Variants in IL16 observed in about 807,000 individuals in gnomAD.
IL16 encodes interleukin 16.
Under a neutral mutation model 110.1 loss-of-function variants are expected in IL16, and 67 were observed. That is an observed-to-expected ratio of 0.61 (90% confidence interval 0.50 to 0.75). IL16 has a LOEUF of 0.75. IL16 is among the 30% of genes least tolerant of loss of function. The pLI is 0.00. For synonymous variants in IL16, 689 were observed against 662.9 expected (o/e 1.04, Z -0.61); for missense variants, 1,545 against 1,655.0 (o/e 0.93, Z 1.15).
intron 4 of IL16, among the ~76,000 whole-genome samples, chr15:81,267,154 G>T (rs1288592785): frequency 4.6e-5 from 7 of 152,184 alleles, no homozygotes; most frequent in Non-Finnish European, 1.5e-5. Flanking sequence ...GGGGGAAGCT[G>T]CTTCCTGTCT....
chr15:81,307,716 A>T (rs1012483596), intron 18 of IL16, among the ~76,000 whole-genome samples: 4 of 152,204 alleles, frequency 2.6e-5, no homozygotes, highest in Non-Finnish European at 5.9e-5. Context: ...TGCCAGCTGC[A>T]GGGTGATGTT....
chr15:81,217,486 C>A (rs1215294127), intron 1 of IL16, among the ~76,000 whole-genome samples: 1 of 152,142 alleles, frequency 6.6e-6, no homozygotes, highest in Non-Finnish European at 1.5e-5. Context: ...GCTTTTAGGA[C>A]TAGGTGTACT....
chr15:81,276,988 T>C (rs1898939243), intron 6 of IL16, among the ~76,000 whole-genome samples: 1 of 138,358 alleles, frequency 7.2e-6, no homozygotes, highest in Admixed American at 7.0e-5. Context: ...TTTAAAAAGA[T>C]AAAAAAAGGA....
chr15:81,191,032 A>G (rs1895490426), intron 1 of IL16, among the ~76,000 whole-genome samples: 3 of 152,222 alleles, frequency 2.0e-5, no homozygotes, highest in Admixed American at 6.5e-5. Flanking sequence ...AGAATCCAAC[A>G]TGGGGGATTA....
upstream of IL16, among the ~76,000 whole-genome samples, chr15:81,196,576 C>T (rs1489513090): frequency 6.6e-6 from 1 of 152,190 alleles, no homozygotes; most frequent in Non-Finnish European, 1.5e-5. Context: ...CTCCTAGCAG[C>T]GTGCCAGGCA....
chr15:81,239,552 C>T (rs1323947964), intron 2 of IL16, among the ~76,000 whole-genome samples: 2 of 152,336 alleles, frequency 1.3e-5, no homozygotes, highest in African/African-American at 4.8e-5. Context: ...ATGAAGCACT[C>T]AGCTGATGCT....
chr15:81,223,066 G>A lies in IL16; in HGVS notation c.-101-2233G>A, dbSNP rs117980223. Among the ~76,000 whole-genome samples, 24 of 152,240 alleles carry A rather than the reference G, an allele frequency of 1.6e-4. No homozygotes were observed. In the East Asian group the frequency reaches 4.6e-3, roughly 29 times the overall value. On this transcript the variant is annotated intron_variant, in intron 1 of 18. Transcript: ENST00000683961. ...AAAACGTATGTATTCTTCTGCCAAT[G>A]GATCTGAGCATTGATATACTGGTTA...
At chr15:81,298,758 C>A (rs1352850150) in intron 13 of IL16, among the ~76,000 whole-genome samples, 1 of 152,210 alleles carries the variant, frequency 6.6e-6, no homozygotes, top group Non-Finnish European at 1.5e-5. Context: ...GGCAGAGCAG[C>A]AAACACACGG....
chr15:81,290,510 G>C lies in IL16; in HGVS notation c.1390G>C (p.Gly464Arg), dbSNP rs1183866005. ...VAQAVENTKFGKERHQWSLEG... is the reference protein window; with the variant it reads ...VAQAVENTKFRKERHQWSLEG... ...CCAGGCTGTGGAAAACACCAAGTTT[G>C]GAAAGGAGAGGCATCAGTGGAGTCT... The change falls in exon 11 of 19, where the codon GGA becomes CGA. Residue 464 changes from glycine (G) to arginine (R), a missense_variant. Gly to Arg is a moderately radical substitution (Grantham distance 125, BLOSUM62 -2). Around this residue, in one of 3 missense-constraint regions of IL16, gnomAD observed 1,185 missense variants for 1,238.8 expected, o/e 0.96. Transcript: ENST00000683961. The C allele has an allele frequency of 5.0e-6, 8 of 1,613,384 alleles. No individual in the cohort carries two copies. The highest frequency in any genetic ancestry group is 1.7e-6 in the Non-Finnish European group (2 of 1,179,556).
At position 81,300,100 on chromosome 15, in the gene IL16, C is replaced by A. The variant is rs566966530; in HGVS notation, c.2774C>A (p.Pro925Gln). The change falls in exon 14 of 19, where the codon CCA becomes CAA. Residue 925 changes from proline (P) to glutamine (Q), a missense_variant. Pro to Gln is a moderately conservative substitution (Grantham distance 76, BLOSUM62 -1). Around this residue, in one of 3 missense-constraint regions of IL16, gnomAD observed 1,185 missense variants for 1,238.8 expected, o/e 0.96. Coordinates refer to ENST00000683961, the MANE Select transcript of IL16 (RefSeq NM_172217.5). ...CCAGGTGTGTCTGAGTCCCCTCCCC[C>A]AGGGCGGCAGCCCAATCAGAAAACT... ...RDPGVSESPP[P>Q]GRQPNQKTLP... is the part of the protein sequence containing the mutation. 8.8e-6 allele frequency: 14 copies of A among 1,584,060 alleles called. No individual in the cohort carries two copies. The highest frequency in any genetic ancestry group is 1.4e-5 in the African/African-American group (1 of 73,982).
In IL16 at chr15:81,312,315, G is replaced by C. The variant is rs1199965611; in HGVS notation, c.*3517G>C. The stretch of plus-strand genomic sequence containing the variant: ...ACAGTCTTGCAGCAGGATCTAGAGG[G>C]GGGATTTCCAGCCAGGGCTGCTAGA... On this transcript the variant is annotated 3_prime_UTR_variant, in exon 19 of 19. Transcript: ENST00000683961. 1 of 152,290 alleles carries C rather than the reference G, an allele frequency of 6.6e-6. No individual in the cohort carries two copies. The highest frequency in any genetic ancestry group is 2.1e-4 in the South Asian group (1 of 4,830). The allele number at this position is 152,290 out of a possible 1,614,324, so 9.4% of individuals were successfully genotyped here.
At chr15:81,207,070 A>G (rs1172988193) in intron 1 of IL16, among the ~76,000 whole-genome samples, 1 of 111,314 alleles carries the variant, frequency 9.0e-6, no homozygotes, top group Admixed American at 7.7e-5. Context: ...CGTCTCTACT[A>G]AAAAAACCAC....
chr15:81,197,052 G>A lies in IL16; in HGVS notation c.-202G>A, dbSNP rs965821440. 7 of 1,288,726 alleles carry A rather than the reference G, an allele frequency of 5.4e-6. No individual in the cohort carries two copies. Among genetic ancestry groups the A allele is most frequent in the Middle Eastern group, 2.1e-4 (1 of 4,658 alleles). 79.8% of individuals were successfully genotyped at this position (1,288,726 alleles called of 1,614,324 possible). A position where few individuals can be genotyped will look rare whatever the true frequency, so the allele number is the denominator to read the frequency against. ...CCCAGGCCTGGGCCACAGGCTGTCC[G>A]GGAATAAGTGGTGCTGCAATCCCTG... On this transcript the variant is annotated 5_prime_UTR_variant, in exon 1 of 19. Coordinates refer to ENST00000683961, the MANE Select transcript of IL16 (RefSeq NM_172217.5).
At chr15:81,260,075 A>G (rs767387501) in intron 3 of IL16, among the ~76,000 whole-genome samples, 195 bp downstream of exon 3, 26 of 152,164 alleles carry the variant, frequency 1.7e-4, no homozygotes, top group Non-Finnish European at 3.1e-4. Context: ...CATGGCTCCA[A>G]GTGCCATGCT....
chr15:81,284,004 G>GAA (rs565288106), intron 9 of IL16, among the ~76,000 whole-genome samples: 1,648 of 82,096 alleles, frequency 0.02, 40 homozygotes, highest in African/African-American at 0.063. Context: ...CCCTGTCTCA[G>GAA]AAAAAAAAAA....
chr15:81,267,925 T>C (rs1340661912), intron 4 of IL16, among the ~76,000 whole-genome samples: 1 of 152,152 alleles, frequency 6.6e-6, no homozygotes, highest in Non-Finnish European at 1.5e-5. Flanking sequence ...AGCACCCTCA[T>C]AGACACACAC....
intron 1 of IL16, among the ~76,000 whole-genome samples, chr15:81,200,427 C>T (rs1895766621): frequency 6.6e-6 from 1 of 151,950 alleles, no homozygotes; most frequent in Admixed American, 6.6e-5. Flanking sequence ...TGGAGTTCAG[C>T]AGTGCAATCC....
chr15:81,271,665 T>C (rs1360839410), intron 5 of IL16, among the ~76,000 whole-genome samples: 4 of 151,920 alleles, frequency 2.6e-5, no homozygotes, highest in Non-Finnish European at 1.5e-5. Flanking sequence ...AGACTTTGAG[T>C]CTAGAGCAGC....
chr15:81,306,907 G>C (rs552734656), intron 18 of IL16: 22 of 310,426 alleles, frequency 7.1e-5, no homozygotes, highest in Admixed American at 1.9e-4. Context: ...TTAATGCAGC[G>C]TGTTTTTTAA....
Sources: allele counts gnomAD v4.1 joint callset (sites outside exome capture counted in the v4.1 genomes callset), GRCh38; gene constraint gnomAD v4.1.1; regional missense constraint gnomAD v4.1.1; transcripts MANE v1.5; gene names NCBI Gene and HGNC (gene_info 2026-07-23, HGNC 2026-07-21).